Variants in VWC2L observed in about 807,000 individuals in gnomAD.
The protein encoded by VWC2L is von Willebrand factor C domain containing 2 like.
Under a neutral mutation model 21.6 loss-of-function variants are expected in VWC2L, and 10 were observed. That is an observed-to-expected ratio of 0.46 (90% confidence interval 0.29 to 0.78). The LOEUF (loss-of-function observed/expected upper bound fraction) is 0.78, where lower values mean the gene tolerates loss of function less well. Among genes scored for constraint, VWC2L ranks in the 30% least tolerant of loss-of-function variants. VWC2L has a pLI of 0.10. For missense variants in VWC2L, 209 were observed against 277.1 expected (o/e 0.75, Z 1.74); for synonymous variants, 96 against 94.3 (o/e 1.02, Z -0.10).
At chr2:214,486,360 G>C (rs4321367) in intron 3 of VWC2L, among the ~76,000 whole-genome samples, 1 of 152,034 alleles carries the variant, frequency 6.6e-6, no homozygotes, top group African/African-American at 2.4e-5. Context: ...GTGTAACAGC[G>C]TGTTCTTACA....
intron 3 of VWC2L, among the ~76,000 whole-genome samples, chr2:214,460,895 TG>T (rs1703130869): frequency 6.6e-6 from 1 of 152,242 alleles, no homozygotes; most frequent in African/African-American, 2.4e-5. Flanking sequence ...TCCAGTTTTT[TG>T]GATTTGCTTT....
chr2:214,543,819 G>T (rs958670955), intron 3 of VWC2L, among the ~76,000 whole-genome samples: 2 of 152,148 alleles, frequency 1.3e-5, no homozygotes, highest in Non-Finnish European at 2.9e-5. Flanking sequence ...GCATATCACA[G>T]TTCTGGCTTT....
intron 3 of VWC2L, among the ~76,000 whole-genome samples, chr2:214,476,784 C>T (rs1313924042): frequency 2.0e-5 from 3 of 152,106 alleles, no homozygotes; most frequent in Admixed American, 2.0e-4. Context: ...CTCTCTCTCT[C>T]CTCTCTCTCC....
chr2:214,555,910 T>G (rs1226623563), intron 3 of VWC2L, among the ~76,000 whole-genome samples: 1 of 152,206 alleles, frequency 6.6e-6, no homozygotes, highest in East Asian at 1.9e-4. Flanking sequence ...AATGTTGTTG[T>G]CTAAAGCCCA....
At chr2:214,556,643 T>A (rs1373575510) in intron 3 of VWC2L, among the ~76,000 whole-genome samples, 1 of 152,178 alleles carries the variant, frequency 6.6e-6, no homozygotes, top group Non-Finnish European at 1.5e-5. Flanking sequence ...TCGGTAATGT[T>A]ATTCATTTTT....
chr2:214,574,740 T>C (rs1203809965), intron 3 of VWC2L, among the ~76,000 whole-genome samples: 1 of 152,110 alleles, frequency 6.6e-6, no homozygotes, highest in Non-Finnish European at 1.5e-5. Context: ...TATAATCCAG[T>C]GCACTTTGGG....
At chr2:214,419,932 A>C (rs1290132651) in intron 2 of VWC2L, among the ~76,000 whole-genome samples, 1 of 152,024 alleles carries the variant, frequency 6.6e-6, no homozygotes, top group African/African-American at 2.4e-5. Context: ...GGTGGCGGGC[A>C]CCTCTAGTCC....
intron 3 of VWC2L, chr2:214,525,354 G>A (rs780661563): frequency 6.6e-6 from 1 of 152,048 alleles, no homozygotes; most frequent in Non-Finnish European, 1.5e-5. Flanking sequence ...AAGCAACTCG[G>A]TAACAGAGTA....
At chr2:214,570,459 G>A (rs979003413) in intron 3 of VWC2L, among the ~76,000 whole-genome samples, 3 of 152,114 alleles carry the variant, frequency 2.0e-5, no homozygotes, top group African/African-American at 7.2e-5. Context: ...AACTTCCTGG[G>A]CTCAAGAGAT....
intron 2 of VWC2L, among the ~76,000 whole-genome samples, chr2:214,417,940 A>G (rs1198533544): frequency 1.3e-5 from 2 of 152,190 alleles, no homozygotes; most frequent in African/African-American, 4.8e-5. Flanking sequence ...TTTTCAGGGT[A>G]AAATCTAATT....
chr2:214,548,815 A>G (rs751708104), intron 3 of VWC2L, among the ~76,000 whole-genome samples: 1 of 152,188 alleles, frequency 6.6e-6, no homozygotes, highest in African/African-American at 2.4e-5. Context: ...TAATTGGGAA[A>G]TTCCACTTTA....
chr2:214,507,383 T>C (rs962466849), intron 3 of VWC2L, among the ~76,000 whole-genome samples: 1 of 152,204 alleles, frequency 6.6e-6, no homozygotes, highest in Non-Finnish European at 1.5e-5. Flanking sequence ...ACAAAGTAAT[T>C]GCATGTATAG....
chr2:214,512,917 C>G (rs1172432473), intron 3 of VWC2L, among the ~76,000 whole-genome samples: 1 of 152,114 alleles, frequency 6.6e-6, no homozygotes, highest in Non-Finnish European at 1.5e-5. Flanking sequence ...TGAAACATCA[C>G]TGGTTTTTCA....
chr2:214,554,561 G>A (rs188444271), intron 3 of VWC2L, among the ~76,000 whole-genome samples: 2 of 152,282 alleles, frequency 1.3e-5, no homozygotes, highest in Admixed American at 1.3e-4. Flanking sequence ...TACTCAGGAG[G>A]CTGAGGCAGG....
chr2:214,540,928 T>C (rs1574626440), intron 3 of VWC2L, among the ~76,000 whole-genome samples: 2 of 152,334 alleles, frequency 1.3e-5, no homozygotes, highest in Non-Finnish European at 2.9e-5. Flanking sequence ...TCTCCATTTA[T>C]TGCACTTTAT....
chr2:214,514,319 G>T (rs928959377), intron 3 of VWC2L, among the ~76,000 whole-genome samples: 1 of 151,918 alleles, frequency 6.6e-6, no homozygotes, highest in African/African-American at 2.4e-5. Context: ...AGCAATTTCT[G>T]ATCTTTAGGT....
chr2:214,492,585 G>C (rs577511971), intron 3 of VWC2L, among the ~76,000 whole-genome samples: 2 of 152,152 alleles, frequency 1.3e-5, no homozygotes, highest in African/African-American at 2.4e-5. Context: ...GATTGGTGAG[G>C]ACGTTAAAAT....
chr2:214,523,955 T>A (rs1689285736), intron 3 of VWC2L, among the ~76,000 whole-genome samples: 1 of 152,212 alleles, frequency 6.6e-6, no homozygotes, highest in Admixed American at 6.5e-5. Context: ...GGGTTTGTTT[T>A]AACTATGACG....
intron 3 of VWC2L, among the ~76,000 whole-genome samples, chr2:214,570,356 CAG>C (rs1356494145): frequency 6.6e-6 from 1 of 152,100 alleles, no homozygotes; most frequent in Non-Finnish European, 1.5e-5. Flanking sequence ...CAAAGAAAAA[CAG>C]AATGTGGAAA....
Sources: allele counts gnomAD v4.1 joint callset (sites outside exome capture counted in the v4.1 genomes callset), GRCh38; gene constraint gnomAD v4.1.1; transcripts MANE v1.5; gene names NCBI Gene and HGNC (gene_info 2026-07-23, HGNC 2026-07-21).